Variants in MCUR1 observed in about 807,000 individuals in gnomAD.
The protein encoded by MCUR1 is mitochondrial calcium uniporter regulator 1.
Under a neutral mutation model 42.0 loss-of-function variants are expected in MCUR1, and 37 were observed. That is an observed-to-expected ratio of 0.88 (90% CI 0.68 to 1.16). The LOEUF (loss-of-function observed/expected upper bound fraction) is 1.16, where lower values mean the gene tolerates loss of function less well. Among genes scored for constraint, MCUR1 ranks in the 50% most tolerant of loss-of-function variants. The pLI is 0.00. For missense variants in MCUR1, 469 were observed against 468.4 expected, an observed-to-expected ratio of 1.00 and a Z score of -0.01; for synonymous variants, 229 against 196.2, an observed-to-expected ratio of 1.17 and a Z score of -1.40.
Position 13,798,869 on chromosome 6 carries a change from TA to T in MCUR1, c.818del (p.Leu273Ter). 1.2e-6 allele frequency: 2 copies of T among 1,611,304 alleles called. No homozygotes were observed. The highest frequency in any genetic ancestry group is 8.5e-7 in the Non-Finnish European group (1 of 1,177,762). On this transcript the variant is annotated frameshift_variant, in exon 6 of 9. Coordinates refer to ENST00000379170, the MANE Select transcript of MCUR1 (RefSeq NM_001031713.4). LOFTEE classifies it high-confidence loss of function. ...EVIKVRTDTKLDFNLEKSRVK... is the reference protein window; with the variant it reads ...EVIKVRTDTKXDFNLEKSRVK... ...CTCTGCTCTTTTCTAGGTTGAAGTC[TA>T]ATTTGGTATCTGTTCGGACTTTGAT...
chr6:13,810,392 A>G (rs1584991265), intron 1 of MCUR1, among the ~76,000 whole-genome samples: 1 of 152,276 alleles, frequency 6.6e-6, no homozygotes, highest in Non-Finnish European at 1.5e-5. Flanking sequence ...AACTTAGTAT[A>G]TGAAAATCTT....
intron 1 of MCUR1, among the ~76,000 whole-genome samples, chr6:13,813,754 C>T (rs1156659398): frequency 1.3e-5 from 2 of 152,216 alleles, no homozygotes; most frequent in East Asian, 3.9e-4. Context: ...GGCACCAACT[C>T]CCCGCCCCAG....
In MCUR1 at chr6:13,814,175, C is replaced by T. The variant is rs901735287; in HGVS notation, c.255G>A (p.Pro85=). 11 of 1,342,918 alleles carry T rather than the reference C, an allele frequency of 8.2e-6. No individual in the cohort carries two copies. In the South Asian group the frequency reaches 1.3e-4, roughly 16 times the overall value. 83.2% of individuals were successfully genotyped at this position (1,342,918 alleles called of 1,614,324 possible). Residue 85 remains proline (P), a synonymous_variant, in exon 1 of 9, where the codon CCG becomes CCA. Coordinates refer to ENST00000379170, the MANE Select transcript of MCUR1 (RefSeq NM_001031713.4). ...VPSPRLAAAA[P]RRQLGDWERS... ...GCTCCCAGTCCCCGAGCTGCCGGCGCGGGGCTGCGGCGGCCAAGCGCGGGG... is the reference window on the plus strand; with the variant it reads ...GCTCCCAGTCCCCGAGCTGCCGGCGTGGGGCTGCGGCGGCCAAGCGCGGGG...
At chr6:13,796,718 C>T (rs899015755) in intron 6 of MCUR1, among the ~76,000 whole-genome samples, 4 of 152,066 alleles carry the variant, frequency 2.6e-5, no homozygotes, top group African/African-American at 9.7e-5. Context: ...GAAAAATGTA[C>T]ATATATATCA....
At chr6:13,807,650 T>C (rs1176453369) in intron 1 of MCUR1, among the ~76,000 whole-genome samples, 1 of 152,104 alleles carries the variant, frequency 6.6e-6, no homozygotes, top group African/African-American at 2.4e-5. Context: ...TACTTAGGAG[T>C]AGAATTGCTG....
chr6:13,789,441 C>T lies in MCUR1; in HGVS notation c.*1368G>A, dbSNP rs1446450800. On this transcript the variant is annotated 3_prime_UTR_variant, in exon 9 of 9. Coordinates refer to ENST00000379170, the MANE Select transcript of MCUR1 (RefSeq NM_001031713.4). ...TGAGAATGTGCTTTTCCAGAATAAC[C>T]CCAGTTGTATCTAGAATTTGTTTTC... 3 of 151,626 alleles carry T rather than the reference C, an allele frequency of 2.0e-5. No homozygotes were observed. The highest frequency in any genetic ancestry group is 2.1e-4 in the South Asian group (1 of 4,792). The allele number at this position is 151,626 out of a possible 1,614,324, so 9.4% of individuals were successfully genotyped here.
intron 6 of MCUR1, among the ~76,000 whole-genome samples, chr6:13,798,501 G>C (rs1427875588): frequency 6.6e-6 from 1 of 151,956 alleles, no homozygotes; most frequent in Non-Finnish European, 1.5e-5. Flanking sequence ...ACTTTTACAA[G>C]ATCAAGACCT....
intron 6 of MCUR1, 112 bp downstream of exon 6, chr6:13,798,721 A>G: frequency 1.4e-6 from 1 of 717,538 alleles, no homozygotes; most frequent in Non-Finnish European, 2.2e-6. Flanking sequence ...AACACTGATA[A>G]ACAGATAAAT....
chr6:13,804,871 G>A (rs928655527), intron 2 of MCUR1, among the ~76,000 whole-genome samples: 7 of 150,968 alleles, frequency 4.6e-5, no homozygotes, highest in East Asian at 1.9e-4. Context: ...TTGTAGACAC[G>A]AGGGAATAGG....
At chr6:13,801,208 G>A (rs1447474164) in intron 4 of MCUR1, 80 bp downstream of exon 4, 9 of 929,656 alleles carry the variant, frequency 9.7e-6, no homozygotes, top group East Asian at 4.9e-5. Context: ...TACACTTAAC[G>A]TGTGCTCTTT....
At chr6:13,790,909 G>T in intron 8 of MCUR1, 45 bp from the exon 9 acceptor site, 1 of 1,391,838 alleles carries the variant, frequency 7.2e-7, no homozygotes, top group Non-Finnish European at 1.0e-6. Flanking sequence ...TCTATTAAGA[G>T]TTACTTGAGG....
At chr6:13,799,827 CTTTTT>C (rs542304036) in intron 5 of MCUR1, among the ~76,000 whole-genome samples, 13 of 96,202 alleles carry the variant, frequency 1.4e-4, no homozygotes, top group Non-Finnish European at 2.0e-4. Flanking sequence ...ACACAATTTT[CTTTTT>C]TTTTTTTTTT....
chr6:13,791,031 CTTTAT>C (rs1759719388), intron 8 of MCUR1, among the ~76,000 whole-genome samples, 167 bp from the exon 9 acceptor site: 1 of 152,102 alleles, frequency 6.6e-6, no homozygotes, highest in African/African-American at 2.4e-5. Flanking sequence ...ATCCCACACC[CTTTAT>C]TTTATTTTCT....
intron 5 of MCUR1, among the ~76,000 whole-genome samples, chr6:13,800,056 C>A (rs1158775908): frequency 6.6e-6 from 1 of 151,940 alleles, no homozygotes; most frequent in Non-Finnish European, 1.5e-5. Flanking sequence ...GGTCTGAACT[C>A]CTGACCTCAG....
chr6:13,807,173 A>T (rs535700791), intron 1 of MCUR1, 129 bp from the exon 2 acceptor site: 2 of 967,882 alleles, frequency 2.1e-6, no homozygotes, highest in African/African-American at 3.3e-5. Context: ...GAGATATACA[A>T]TTCACCCAAT....
At chr6:13,802,187 C>G (rs1760004779) in intron 3 of MCUR1, 56 bp downstream of exon 3, 4 of 1,358,454 alleles carry the variant, frequency 2.9e-6, no homozygotes, top group Admixed American at 1.8e-5. Flanking sequence ...AACATTACTA[C>G]AAATAATACC....
intron 8 of MCUR1, among the ~76,000 whole-genome samples, chr6:13,791,098 T>C (rs1202430859): frequency 2.0e-5 from 3 of 152,068 alleles, no homozygotes; most frequent in African/African-American, 7.2e-5. Context: ...CACCATGCAA[T>C]GGTATGATTA....
At chr6:13,810,135 G>A (rs574524788) in intron 1 of MCUR1, among the ~76,000 whole-genome samples, 12 of 151,464 alleles carry the variant, frequency 7.9e-5, no homozygotes, top group South Asian at 4.2e-4. Flanking sequence ...CCTGGGAGGC[G>A]GAGGTTGCAG....
intron 4 of MCUR1, 86 bp downstream of exon 4, chr6:13,801,202 C>G: frequency 1.1e-6 from 1 of 919,534 alleles, no homozygotes; most frequent in Non-Finnish European, 1.7e-6. Context: ...GAGATGTACA[C>G]TTAACGTGTG....
Sources: gnomAD v4.1 joint callset for allele counts (sites outside exome capture counted in the v4.1 genomes callset) on GRCh38, gnomAD v4.1.1 for gene constraint, MANE v1.5 for transcripts, NCBI Gene and HGNC (gene_info 2026-07-23, HGNC 2026-07-21) for gene names.